METTL8: variants seen among roughly 807,000 people sequenced by gnomAD.
METTL8 encodes the protein tRNA N(3)-cytidine methyltransferase METTL8, mitochondrial.
Under a neutral mutation model 48.7 loss-of-function variants are expected in METTL8, and 32 were observed. The ratio of observed to expected loss-of-function variants is 0.66; its 90% CI spans 0.50 to 0.88. The LOEUF (loss-of-function observed/expected upper bound fraction) is 0.88. METTL8 is among the 40% of genes least tolerant of loss of function. METTL8 has a pLI of 0.00. For missense variants in METTL8, 464 were observed against 474.4 expected (o/e 0.98, Z 0.20); for synonymous variants, 136 against 157.1 (o/e 0.87, Z 1.01).
chr2:171,330,530 A>G (rs953117265), intron 7 of METTL8, 29 bp downstream of exon 7: 2 of 1,603,842 alleles, frequency 1.2e-6, no homozygotes, highest in East Asian at 2.2e-5. Context: ...AGCTTTACAC[A>G]TCCACTTTGC....
intron 2 of METTL8, among the ~76,000 whole-genome samples, chr2:171,383,022 T>G (rs1476223025): frequency 1.3e-5 from 2 of 151,864 alleles, no homozygotes; most frequent in African/African-American, 4.8e-5. Context: ...TGCAGTGAGC[T>G]GAGATCGAGC....
intron 1 of METTL8, among the ~76,000 whole-genome samples, chr2:171,397,399 A>G (rs1311121157): frequency 1.3e-5 from 2 of 149,694 alleles, no homozygotes; most frequent in Non-Finnish European, 3.0e-5. Flanking sequence ...CAACAACAAA[A>G]AACTTCAAAC....
chr2:171,393,894 G>A (rs1177288823), intron 1 of METTL8, among the ~76,000 whole-genome samples: 3 of 151,476 alleles, frequency 2.0e-5, no homozygotes, highest in Non-Finnish European at 2.9e-5. Flanking sequence ...TTTTCCTTTT[G>A]GAAAAAAAAA....
intron 1 of METTL8, among the ~76,000 whole-genome samples, chr2:171,392,860 G>A (rs1023766417): frequency 3.3e-5 from 5 of 151,780 alleles, no homozygotes; most frequent in African/African-American, 1.2e-4. Context: ...ACTTTGGCAG[G>A]CCGAGGCAGG....
chr2:171,327,171 C>T (rs996508176), intron 7 of METTL8: 1 of 152,184 alleles, frequency 6.6e-6, no homozygotes, highest in South Asian at 2.1e-4. Flanking sequence ...CAGCAGGGAG[C>T]CTTTGCTTTT....
rs1684255217 is a variant in METTL8, at chr2:171,316,174, A to C, written c.*7998T>G. Among the ~76,000 whole-genome samples, 1 of 152,252 alleles carries C rather than the reference A, an allele frequency of 6.6e-6. No homozygotes were observed. Among genetic ancestry groups the C allele is most frequent in the Non-Finnish European group, 1.5e-5 (1 of 68,044 alleles). On this transcript the variant is annotated 3_prime_UTR_variant, in exon 10 of 10. Coordinates refer to ENST00000375258, the MANE Select transcript of METTL8 (RefSeq NM_001321154.2). ...AATAAAGCTTTGAGAAATGGAAAAGAAAATCTATGAGGAAAACGTCAGCTT... is the reference window on the plus strand; with the variant it reads ...AATAAAGCTTTGAGAAATGGAAAAGCAAATCTATGAGGAAAACGTCAGCTT...
At chr2:171,392,452 C>T (rs1005485511) in intron 1 of METTL8, among the ~76,000 whole-genome samples, 8 of 151,962 alleles carry the variant, frequency 5.3e-5, no homozygotes, top group African/African-American at 9.7e-5. Flanking sequence ...TTGCTTTGTT[C>T]GATATTTTAT....
intron 1 of METTL8, among the ~76,000 whole-genome samples, chr2:171,399,951 C>G (rs1043625359): frequency 1.3e-5 from 2 of 151,662 alleles, no homozygotes; most frequent in Non-Finnish European, 2.9e-5. Context: ...TCAGCCTGGG[C>G]AACATAGAGA....
intron 2 of METTL8, among the ~76,000 whole-genome samples, chr2:171,368,412 C>A (rs1193659874): frequency 3.3e-5 from 5 of 151,992 alleles, no homozygotes; most frequent in African/African-American, 1.2e-4. Flanking sequence ...CAAAAGTAAA[C>A]AAAATGAGCC....
intron 3 of METTL8, among the ~76,000 whole-genome samples, chr2:171,357,758 A>C (rs1684743581): frequency 6.6e-6 from 1 of 151,962 alleles, no homozygotes; most frequent in South Asian, 2.1e-4. Context: ...GCAGTGGCAC[A>C]ATTACAGCTT....
intron 1 of METTL8, among the ~76,000 whole-genome samples, chr2:171,408,478 G>T (rs1690420697): frequency 6.6e-6 from 1 of 151,892 alleles, no homozygotes; most frequent in South Asian, 2.1e-4. Flanking sequence ...TTTTAGTAGA[G>T]ATGTGGTTTC....
At position 171,324,155 on chromosome 2, in the gene METTL8, T is replaced by C; in HGVS notation, c.*17A>G. 6.6e-7 allele frequency: 1 copy of C among 1,525,172 alleles called. No homozygotes were observed. The highest frequency in any genetic ancestry group is 2.5e-5 in the East Asian group (1 of 40,764). The allele number at this position is 1,525,172 out of a possible 1,614,324, so 94.5% of individuals were successfully genotyped here. A position where few individuals can be genotyped will look rare whatever the true frequency, so the allele number is the denominator to read the frequency against. ...TAGCACAGTCCTCTGGCTTTGTACC[T>C]TAACATGTTACAAAGTTCAGTCTTG... On this transcript the variant is annotated 3_prime_UTR_variant, in exon 10 of 10. Coordinates refer to ENST00000375258, the MANE Select transcript of METTL8 (RefSeq NM_001321154.2).
intron 3 of METTL8, among the ~76,000 whole-genome samples, chr2:171,355,529 C>T (rs1684434623): frequency 2.0e-5 from 3 of 152,352 alleles, no homozygotes; most frequent in East Asian, 1.9e-4. Context: ...GCAGAAGCTT[C>T]TGCTTCCTTT....
At chr2:171,334,148 G>T (rs1019760382) in intron 5 of METTL8, among the ~76,000 whole-genome samples, 3 of 152,094 alleles carry the variant, frequency 2.0e-5, no homozygotes, top group African/African-American at 7.2e-5. Flanking sequence ...TGCTTTTCTG[G>T]ACACTGGTAT....
intron 3 of METTL8, among the ~76,000 whole-genome samples, chr2:171,340,294 G>A (rs957296385): frequency 6.6e-6 from 1 of 151,182 alleles, no homozygotes; most frequent in African/African-American, 2.4e-5. Context: ...TTGAGGTAAG[G>A]AGTTCAAGAC....
At chr2:171,365,541 TCA>T (rs1390812890) in intron 2 of METTL8, among the ~76,000 whole-genome samples, 2 of 152,198 alleles carry the variant, frequency 1.3e-5, no homozygotes, top group Non-Finnish European at 2.9e-5. Flanking sequence ...AAACTCTTAT[TCA>T]GTTTCTTTCT....
intron 2 of METTL8, 82 bp downstream of exon 2, chr2:171,391,961 C>T (rs963476213): frequency 5.0e-6 from 7 of 1,402,528 alleles, no homozygotes; most frequent in Non-Finnish European, 6.7e-6. Flanking sequence ...TTTAAAAACC[C>T]TTTCTTAATT....
At chr2:171,369,761 T>C (rs1686109871) in intron 2 of METTL8, among the ~76,000 whole-genome samples, 1 of 151,856 alleles carries the variant, frequency 6.6e-6, no homozygotes, top group Non-Finnish European at 1.5e-5. Context: ...GAAGTAAAAA[T>C]TGGATACAAA....
chr2:171,355,526 C>T (rs926240336), intron 3 of METTL8, among the ~76,000 whole-genome samples: 1 of 152,190 alleles, frequency 6.6e-6, no homozygotes, highest in Non-Finnish European at 1.5e-5. Context: ...TCTGCAGAAG[C>T]TTCTGCTTCC....
Sources: allele counts gnomAD v4.1 joint callset (sites outside exome capture counted in the v4.1 genomes callset), GRCh38; gene constraint gnomAD v4.1.1; transcripts MANE v1.5; gene names NCBI Gene and HGNC (gene_info 2026-07-23, HGNC 2026-07-21).